EYA4: variants seen among roughly 807,000 people sequenced by gnomAD.
EYA4 encodes protein phosphatase EYA4.
A neutral mutation model predicts 87.9 loss-of-function variants in EYA4; 31 were observed. The ratio of observed to expected loss-of-function variants is 0.35; its 90% CI spans 0.27 to 0.48. EYA4 has a LOEUF of 0.48. Among genes scored for constraint, EYA4 ranks in the 20% least tolerant of loss-of-function variants. The probability of loss-of-function intolerance (pLI) is 0.99; values close to 1 mark genes in which losing one functional copy is unlikely to be tolerated. For synonymous variants in EYA4, 263 were observed against 270.6 expected (o/e 0.97, Z 0.28); for missense variants, 678 against 761.4 (o/e 0.89, Z 1.29).
At chr6:133,423,492 G>A (rs1790394126) in intron 3 of EYA4, among the ~76,000 whole-genome samples, 1 of 152,148 alleles carries the variant, frequency 6.6e-6, no homozygotes, top group Non-Finnish European at 1.5e-5. Context: ...CAGCCTGATA[G>A]GTTTGATACA....
chr6:133,404,397 T>C (rs1310529985), intron 3 of EYA4, among the ~76,000 whole-genome samples: 1 of 152,228 alleles, frequency 6.6e-6, no homozygotes, highest in Non-Finnish European at 1.5e-5. Flanking sequence ...TCTCTGTCAC[T>C]GTGATCCTAC....
chr6:133,366,803 T>TGTG (rs1562336078), intron 2 of EYA4, among the ~76,000 whole-genome samples: 4 of 152,232 alleles, frequency 2.6e-5, no homozygotes, highest in Non-Finnish European at 5.9e-5. Context: ...TTTGATTTCA[T>TGTG]GTGGTCTTTT....
chr6:133,528,882 C>A lies in EYA4; in HGVS notation c.*77C>A, dbSNP rs982139051. ...TTTATGTGTGATTCAATGCCTCTGG[C>A]TCTACACATATAAATTGTCTTAATG... On this transcript the variant is annotated 3_prime_UTR_variant, in exon 20 of 20. Transcript: ENST00000355286. The A allele has an allele frequency of 3.1e-6, 5 of 1,607,808 alleles. No homozygotes were observed. The East Asian group carries it at 1.1e-4, about 36-fold the overall frequency.
intron 5 of EYA4, among the ~76,000 whole-genome samples, chr6:133,448,800 T>A: frequency 6.6e-6 from 1 of 152,196 alleles, no homozygotes; most frequent in East Asian, 1.9e-4. Flanking sequence ...AACTTTCTCC[T>A]AAATCAAATT....
chr6:133,347,539 A>G (rs1783286830), intron 2 of EYA4, among the ~76,000 whole-genome samples: 1 of 152,152 alleles, frequency 6.6e-6, no homozygotes, highest in Non-Finnish European at 1.5e-5. Flanking sequence ...CTTAATAGGA[A>G]ATACGGAAAA....
intron 2 of EYA4, among the ~76,000 whole-genome samples, chr6:133,339,618 T>G (rs1174324073): frequency 6.6e-6 from 1 of 152,190 alleles, no homozygotes; most frequent in Non-Finnish European, 1.5e-5. Context: ...GACCATGGAT[T>G]CTTGGCTGCC....
Position 133,266,964 on chromosome 6 carries a change from G to A in EYA4, c.-65-7752G>A, listed in dbSNP as rs935631398. On this transcript the variant is annotated intron_variant, in intron 1 of 19. Coordinates refer to ENST00000355286, the MANE Select transcript of EYA4 (RefSeq NM_004100.5). ...AAATACCTAAAATTTGCTAGGCCTTGAGCTAGGTATTGTAGATAGGTAAAT... is the reference window on the plus strand; with the variant it reads ...AAATACCTAAAATTTGCTAGGCCTTAAGCTAGGTATTGTAGATAGGTAAAT... Among the ~76,000 whole-genome samples the A allele has an allele frequency of 5.3e-5, 8 of 152,176 alleles. No individual in the cohort carries two copies. In the East Asian group the frequency reaches 1.5e-3, roughly 29 times the overall value.
chr6:133,265,104 T>C (rs138402514), intron 1 of EYA4, among the ~76,000 whole-genome samples: 11 of 152,276 alleles, frequency 7.2e-5, no homozygotes, highest in African/African-American at 2.4e-4. Context: ...TGTATTTAAA[T>C]GAGAAGAAAT....
rs1252685993 is a variant in EYA4 at position 133,299,951 on chromosome 6, C to CTATA, written c.33+25141_33+25142insATAT. Reference sequence around the variant, plus strand: ...TCTATCTATCTATCTATCTATCTATCTATCTATATATATATATATCTTTTG... The same window carrying CTATA: ...TCTATCTATCTATCTATCTATCTATCTATATATCTATATATATATATATCTTTTG... On this transcript the variant is annotated intron_variant, in intron 2 of 19. Coordinates refer to ENST00000355286, the MANE Select transcript of EYA4 (RefSeq NM_004100.5). 9.9e-3 allele frequency among the ~76,000 whole-genome samples: 1,300 copies of CTATA among 130,890 alleles called. 22 individuals are homozygous for CTATA. The highest frequency in any genetic ancestry group is 0.039 in the African/African-American group (1,213 of 31,002). 85.9% of individuals were successfully genotyped at this position (130,890 alleles called of 152,430 possible).
intron 11 of EYA4, among the ~76,000 whole-genome samples, chr6:133,477,252 C>T (rs1795823851): frequency 6.6e-6 from 1 of 152,072 alleles, no homozygotes; most frequent in Non-Finnish European, 1.5e-5. Flanking sequence ...TGCAAGATTT[C>T]TGTCCGCCAC....
intron 2 of EYA4, 33 bp from the exon 3 acceptor site, chr6:133,382,359 C>T: frequency 2.0e-6 from 3 of 1,502,510 alleles, no homozygotes; most frequent in Non-Finnish European, 2.8e-6. Flanking sequence ...GTTGTATTTT[C>T]ATATGAGAAT....
intron 2 of EYA4, among the ~76,000 whole-genome samples, chr6:133,367,176 C>T (rs1299727705): frequency 6.6e-6 from 1 of 152,152 alleles, no homozygotes; most frequent in Non-Finnish European, 1.5e-5. Flanking sequence ...TTCCTATATC[C>T]GTGCAACTGA....
chr6:133,356,847 G>C (rs1268200039), intron 2 of EYA4, among the ~76,000 whole-genome samples: 1 of 150,876 alleles, frequency 6.6e-6, no homozygotes, highest in Middle Eastern at 3.2e-3. Flanking sequence ...CTGTTGCCCA[G>C]GCTGGAATGC....
chr6:133,531,158 TCACCCCGTGCA>T lies in EYA4; in HGVS notation c.*2354_*2364del. 2 of 1,532,794 alleles carry T rather than the reference TCACCCCGTGCA, an allele frequency of 1.3e-6. No individual in the cohort carries two copies. The highest frequency in any genetic ancestry group is 1.7e-6 in the Non-Finnish European group (2 of 1,145,504). The allele number at this position is 1,532,794 out of a possible 1,614,324, so 94.9% of individuals were successfully genotyped here. ...GGCAAAGAGAAGCCGGCTGGTTGCA[TCACCCCGTGCA>T]GTTTCTCACACACATCTCTTTTTCT... is the stretch of plus-strand genomic sequence containing the variant. On this transcript the variant is annotated 3_prime_UTR_variant, in exon 20 of 20. Coordinates refer to ENST00000355286, the MANE Select transcript of EYA4 (RefSeq NM_004100.5).
intron 3 of EYA4, among the ~76,000 whole-genome samples, chr6:133,401,070 T>A (rs1788220240): frequency 6.6e-6 from 1 of 152,180 alleles, no homozygotes; most frequent in South Asian, 2.1e-4. Flanking sequence ...ATAAAAAGAA[T>A]TAAATCCTGT....
At chr6:133,322,225 G>A (rs1468728229) in intron 2 of EYA4, among the ~76,000 whole-genome samples, 2 of 152,162 alleles carry the variant, frequency 1.3e-5, no homozygotes, top group South Asian at 2.1e-4. Flanking sequence ...ATACCTTTGA[G>A]AGTGACAGAA....
chr6:133,448,058 A>G (rs369983374), intron 4 of EYA4, 53 bp from the exon 5 acceptor site: 76 of 1,332,366 alleles, frequency 5.7e-5, no homozygotes, highest in Admixed American at 1.2e-4. Context: ...GATTATTCAT[A>G]TCCACTCAGC....
At chr6:133,352,147 T>A (rs577978213) in intron 2 of EYA4, among the ~76,000 whole-genome samples, 3 of 152,358 alleles carry the variant, frequency 2.0e-5, no homozygotes, top group African/African-American at 7.2e-5. Flanking sequence ...AAGCTTTGAT[T>A]TGCATTTTTA....
chr6:133,389,137 A>G (rs954983881), intron 3 of EYA4, among the ~76,000 whole-genome samples: 5 of 152,072 alleles, frequency 3.3e-5, no homozygotes, highest in African/African-American at 1.2e-4. Flanking sequence ...CCCTTCTCTA[A>G]TTAGAGACAA....
Sources: allele counts gnomAD v4.1 joint callset (sites outside exome capture counted in the v4.1 genomes callset), GRCh38; gene constraint gnomAD v4.1.1; transcripts MANE v1.5; gene names NCBI Gene and HGNC (gene_info 2026-07-23, HGNC 2026-07-21).